DOCK7: variants seen among roughly 807,000 people sequenced by gnomAD.
The protein encoded by DOCK7 is dedicator of cytokinesis 7.
A neutral mutation model predicts 271.0 loss-of-function variants in DOCK7; 138 were observed. The ratio of observed to expected loss-of-function variants is 0.51; its 90% CI spans 0.44 to 0.59. DOCK7 has a LOEUF of 0.59. Among genes scored for constraint, DOCK7 ranks in the 20% least tolerant of loss-of-function variants. DOCK7 has a pLI of 0.00. For synonymous variants in DOCK7, 823 were observed against 876.1 expected (o/e 0.94, Z 1.07); for missense variants, 2,066 against 2,592.4 (o/e 0.80, Z 4.41).
intron 13 of DOCK7, 38 bp from the exon 14 acceptor site, chr1:62,618,906 A>T: frequency 6.4e-7 from 1 of 1,568,224 alleles, no homozygotes; most frequent in Non-Finnish European, 8.7e-7. Context: ...TAAAGACAAT[A>T]AAAAAGTCCA....
At position 62,454,758 on chromosome 1, in the gene DOCK7, T is replaced by C. The variant is rs1374316513; in HGVS notation, c.*656A>G. Reference sequence around the variant, plus strand: ...AATAAGATTTAATCAAGTTAAGGTGTTGTCACTGGTATTAGTTATCCCCGT... The same window carrying C: ...AATAAGATTTAATCAAGTTAAGGTGCTGTCACTGGTATTAGTTATCCCCGT... On this transcript the variant is annotated 3_prime_UTR_variant, in exon 50 of 50. Coordinates refer to ENST00000635253, the MANE Select transcript of DOCK7 (RefSeq NM_001367561.1). 6.4e-6 allele frequency: 1 copy of C among 155,532 alleles called. No homozygotes were observed. Among genetic ancestry groups the C allele is most frequent in the African/African-American group, 2.4e-5 (1 of 41,610 alleles). The allele number at this position is 155,532 out of a possible 1,614,324, so 9.6% of individuals were successfully genotyped here.
At chr1:62,463,315 G>A (rs1645584246) in intron 48 of DOCK7, among the ~76,000 whole-genome samples, 1 of 152,126 alleles carries the variant, frequency 6.6e-6, no homozygotes, top group Non-Finnish European at 1.5e-5. Flanking sequence ...TACAATGTTA[G>A]ATAATATCAA....
intron 18 of DOCK7, among the ~76,000 whole-genome samples, chr1:62,567,978 T>G (rs78934811): frequency 0.014 from 2,060 of 152,270 alleles, 30 homozygotes; most frequent in East Asian, 0.046. Context: ...ACATTGCATT[T>G]AGTCTAAAAC....
chr1:62,535,460 C>T (rs1353317575), intron 29 of DOCK7, 33 bp downstream of exon 29: 2 of 1,597,434 alleles, frequency 1.3e-6, no homozygotes, highest in Non-Finnish European at 1.7e-6. Context: ...AAATCAAACT[C>T]ATATTCTACA....
intron 37 of DOCK7, among the ~76,000 whole-genome samples, chr1:62,502,530 C>A (rs1646813393): frequency 6.6e-6 from 1 of 152,098 alleles, no homozygotes. Flanking sequence ...TTTGGAGGAC[C>A]ATAAGCTAAG....
chr1:62,575,029 C>A (rs955521343), intron 18 of DOCK7, among the ~76,000 whole-genome samples: 1 of 152,058 alleles, frequency 6.6e-6, no homozygotes, highest in Non-Finnish European at 1.5e-5. Flanking sequence ...CCACACCTGG[C>A]CAGAAACACT....
chr1:62,508,602 A>C (rs927912654), intron 34 of DOCK7, among the ~76,000 whole-genome samples: 6 of 152,296 alleles, frequency 3.9e-5, no homozygotes, highest in Admixed American at 1.3e-4. Context: ...AATTTGGGGA[A>C]AAAAGGATGT....
At chr1:62,642,763 ATCTT>A (rs1656195441) in intron 7 of DOCK7, among the ~76,000 whole-genome samples, 1 of 152,170 alleles carries the variant, frequency 6.6e-6, no homozygotes, top group South Asian at 2.1e-4. Context: ...TCTACCTAAA[ATCTT>A]TCTTCCTGAA....
At chr1:62,498,168 A>C (rs1205940633) in intron 37 of DOCK7, among the ~76,000 whole-genome samples, 2 of 152,012 alleles carry the variant, frequency 1.3e-5, no homozygotes, top group South Asian at 2.1e-4. Flanking sequence ...CCTTGAGCAA[A>C]GGAGTTCAAA....
At chr1:62,539,379 G>A (rs1261751595) in intron 27 of DOCK7, among the ~76,000 whole-genome samples, 166 bp downstream of exon 27, 2 of 152,150 alleles carry the variant, frequency 1.3e-5, no homozygotes, top group East Asian at 3.8e-4. Context: ...GATAAAACAT[G>A]TGTAATTTAC....
chr1:62,496,581 T>C, intron 37 of DOCK7, 84 bp from the exon 38 acceptor site: 1 of 1,338,622 alleles, frequency 7.5e-7, no homozygotes, highest in East Asian at 2.5e-5. Context: ...AAAGTATATT[T>C]AGTGAAAAAA....
chr1:62,476,247 G>A lies in DOCK7; in HGVS notation c.5635-91C>T, dbSNP rs1443563282. 3 of 815,476 alleles carry A rather than the reference G, an allele frequency of 3.7e-6. No homozygotes were observed. The African/African-American group carries it at 5.2e-5, about 14-fold the overall frequency. The allele number at this position is 815,476 out of a possible 1,614,324, so 50.5% of individuals were successfully genotyped here. On this transcript the variant is annotated intron_variant, in intron 44 of 49. Coordinates refer to ENST00000635253, the MANE Select transcript of DOCK7 (RefSeq NM_001367561.1). The stretch of plus-strand genomic sequence containing the variant: ...GGGTGACTCCTGAGCAAAATTAGGA[G>A]AATTAGTGAGTTCTGTACAATCATA...
At position 62,602,341 on chromosome 1, in the gene DOCK7, AC is replaced by A. The variant is rs750944217; in HGVS notation, c.1683-15718del. The A allele has an allele frequency of 2.5e-6, 4 of 1,611,022 alleles. No homozygotes were observed. The Middle Eastern group carries it at 5.0e-4, about 200-fold the overall frequency. ...AGATGGATCACAAAACTTCAATGAA[AC>A]GTGGGAGAACTACAAATATGGTTTT... On this transcript the variant is annotated intron_variant, in intron 14 of 49. Coordinates refer to ENST00000635253, the MANE Select transcript of DOCK7 (RefSeq NM_001367561.1).
chr1:62,458,530 G>T (rs1645416358), intron 48 of DOCK7: 1 of 98,556 alleles, frequency 1.0e-5, no homozygotes. Flanking sequence ...TTCTTAATAG[G>T]TTTTGTTTTT....
At chr1:62,646,379 A>G (rs2149674391) in intron 7 of DOCK7, among the ~76,000 whole-genome samples, 1 of 152,282 alleles carries the variant, frequency 6.6e-6, no homozygotes, top group South Asian at 2.1e-4. Flanking sequence ...AGGTATTGTT[A>G]TGGTATGAAA....
intron 31 of DOCK7, among the ~76,000 whole-genome samples, chr1:62,515,514 A>T (rs1230652793): frequency 6.6e-6 from 1 of 152,218 alleles, no homozygotes; most frequent in Non-Finnish European, 1.5e-5. Context: ...ATAAAAAATT[A>T]TTCTCATCTT....
At chr1:62,492,288 ATTTT>A (rs1233567793) in intron 41 of DOCK7, 1 of 154,062 alleles carries the variant, frequency 6.5e-6, no homozygotes, top group Non-Finnish European at 1.4e-5. Flanking sequence ...ATAAAAAACA[ATTTT>A]TTTTTCTTTT....
chr1:62,535,313 A>C (rs1645306624), intron 29 of DOCK7, among the ~76,000 whole-genome samples, 180 bp downstream of exon 29: 1 of 152,216 alleles, frequency 6.6e-6, no homozygotes, highest in African/African-American at 2.4e-5. Context: ...TATGAGAAAA[A>C]GTCTTTCATA....
intron 37 of DOCK7, among the ~76,000 whole-genome samples, chr1:62,502,357 T>C (rs1035084950): frequency 6.6e-6 from 1 of 152,208 alleles, no homozygotes; most frequent in East Asian, 1.9e-4. Context: ...AGTCTCCCTA[T>C]CACAGTCATC....
Sources: gnomAD v4.1 joint callset for allele counts (sites outside exome capture counted in the v4.1 genomes callset) on GRCh38, gnomAD v4.1.1 for gene constraint, MANE v1.5 for transcripts, NCBI Gene and HGNC (gene_info 2026-07-23, HGNC 2026-07-21) for gene names.